TMTC1: variants seen among roughly 807,000 people sequenced by gnomAD.
TMTC1 encodes the protein protein O-mannosyl-transferase TMTC1.
TMTC1 carries 73 observed loss-of-function variants against 104.8 expected under a neutral mutation model. That is an observed-to-expected ratio of 0.70 (90% CI 0.58 to 0.85). TMTC1 has a LOEUF of 0.85. Ranked by LOEUF, TMTC1 falls within the 40% of genes least tolerant of loss-of-function variation. The pLI is 0.00. For missense variants in TMTC1, 1,035 were observed against 1,096.1 expected (o/e 0.94, Z 0.79); for synonymous variants, 434 against 428.7 (o/e 1.01, Z -0.15).
intron 7 of TMTC1, among the ~76,000 whole-genome samples, chr12:29,590,715 G>A (rs1946259156): frequency 6.6e-6 from 1 of 152,150 alleles, no homozygotes; most frequent in East Asian, 1.9e-4. Flanking sequence ...AACCCAAGAG[G>A]CAGAGGTTAC....
At chr12:29,565,865 A>C (rs1024563233) in intron 9 of TMTC1, among the ~76,000 whole-genome samples, 1 of 151,940 alleles carries the variant, frequency 6.6e-6, no homozygotes, top group Non-Finnish European at 1.5e-5. Flanking sequence ...AAACACAAAA[A>C]ACCACAGTAT....
rs115911637 is a variant in TMTC1 at position 29,691,640 on chromosome 12, T to C, written c.939-58304A>G. 2.0e-3 allele frequency among the ~76,000 whole-genome samples: 273 copies of C among 134,606 alleles called. 21 individuals carry two copies. The highest frequency in any genetic ancestry group is 7.4e-3 in the African/African-American group (262 of 35,644). 88.3% of individuals were successfully genotyped at this position (134,606 alleles called of 152,430 possible). A position where few individuals can be genotyped will look rare whatever the true frequency, so the allele number is the denominator to read the frequency against. ...ATTCTCAATCACTCAGATCTTAGAATAGATGGAGAAACTTCTCAGGATGTT... is the reference window on the plus strand; with the variant it reads ...ATTCTCAATCACTCAGATCTTAGAACAGATGGAGAAACTTCTCAGGATGTT... On this transcript the variant is annotated intron_variant, in intron 5 of 17. Coordinates refer to ENST00000539277, the MANE Select transcript of TMTC1 (RefSeq NM_001193451.2).
chr12:29,784,081 C>T (rs1382366347), upstream of TMTC1, among the ~76,000 whole-genome samples: 1 of 151,932 alleles, frequency 6.6e-6, no homozygotes, highest in Non-Finnish European at 1.5e-5. Context: ...CTGCCCCCGG[C>T]CCGCCTTGCT....
intron 5 of TMTC1, among the ~76,000 whole-genome samples, chr12:29,653,356 G>A (rs755260378): frequency 3.3e-5 from 5 of 151,954 alleles, no homozygotes; most frequent in Admixed American, 6.6e-5. Context: ...GAATTCCGGC[G>A]AATAATAAGA....
At chr12:29,706,728 G>A (rs938958033) in intron 5 of TMTC1, among the ~76,000 whole-genome samples, 1 of 152,112 alleles carries the variant, frequency 6.6e-6, no homozygotes, top group Non-Finnish European at 1.5e-5. Flanking sequence ...CAGCTTCCTG[G>A]AGTTTACTGT....
intron 7 of TMTC1, among the ~76,000 whole-genome samples, chr12:29,601,116 A>G (rs1017903676): frequency 6.6e-6 from 1 of 152,210 alleles, no homozygotes; most frequent in African/African-American, 2.4e-5. Flanking sequence ...TAGAGGAAAA[A>G]GGGCATTTTA....
chr12:29,760,606 C>A (rs1323920526), intron 2 of TMTC1, among the ~76,000 whole-genome samples: 1 of 152,210 alleles, frequency 6.6e-6, no homozygotes, highest in South Asian at 2.1e-4. Flanking sequence ...TGAGAAGGAA[C>A]CATCATAACC....
In TMTC1 at chr12:29,563,387, G is replaced by C. The variant is rs114214800; in HGVS notation, c.1533-6387C>G. Among the ~76,000 whole-genome samples, 1,223 of 152,280 alleles carry C rather than the reference G, an allele frequency of 8.0e-3. 22 individuals carry two copies. The highest frequency in any genetic ancestry group is 0.028 in the African/African-American group (1,161 of 41,554). ...CACTTCCTAGCATGAGTGCACTCTG[G>C]TTGATGGATTATCTCAGAGAAGAGA... On this transcript the variant is annotated intron_variant, in intron 9 of 17. Coordinates refer to ENST00000539277, the MANE Select transcript of TMTC1 (RefSeq NM_001193451.2).
intron 5 of TMTC1, among the ~76,000 whole-genome samples, chr12:29,670,934 C>CAAAAAAAAAAAAAAAAAAAAAAA (rs374719241): frequency 2.9e-5 from 2 of 68,468 alleles, no homozygotes; most frequent in African/African-American, 6.1e-5. Context: ...GACTCTGTCT[C>CAAAAAAAAAAAAAAAAAAAAAAA]AAAAAAAAAG....
intron 6 of TMTC1, among the ~76,000 whole-genome samples, chr12:29,610,285 C>G (rs1266593357): frequency 6.6e-6 from 1 of 152,166 alleles, no homozygotes; most frequent in Non-Finnish European, 1.5e-5. Context: ...CACAGTCTTT[C>G]CATCATGTTT....
At chr12:29,657,924 G>A (rs2136629873) in intron 5 of TMTC1, among the ~76,000 whole-genome samples, 1 of 152,090 alleles carries the variant, frequency 6.6e-6, no homozygotes, top group East Asian at 1.9e-4. Flanking sequence ...TGGCCAACAT[G>A]ACAAAAACCC....
intron 14 of TMTC1, 94 bp from the exon 15 acceptor site, chr12:29,516,580 C>A: frequency 7.3e-7 from 1 of 1,376,892 alleles, no homozygotes; most frequent in Non-Finnish European, 9.7e-7. Flanking sequence ...GCACTCCTGA[C>A]AAACATGCTC....
At chr12:29,557,631 G>T (rs1043881426) in intron 9 of TMTC1, among the ~76,000 whole-genome samples, 1 of 152,090 alleles carries the variant, frequency 6.6e-6, no homozygotes, top group African/African-American at 2.4e-5. Context: ...TATATTTTTA[G>T]GAGAGACTGG....
chr12:29,726,540 C>G (rs2136901643), intron 5 of TMTC1, among the ~76,000 whole-genome samples: 1 of 152,312 alleles, frequency 6.6e-6, no homozygotes, highest in Non-Finnish European at 1.5e-5. Context: ...AGCATATAAA[C>G]AGAGGTACAG....
intron 17 of TMTC1, among the ~76,000 whole-genome samples, chr12:29,509,220 G>C (rs995387857): frequency 1.3e-5 from 2 of 152,154 alleles, no homozygotes; most frequent in Non-Finnish European, 2.9e-5. Context: ...CTGAAAATCA[G>C]ACTTTGTGCT....
At chr12:29,779,245 T>G (rs578250768) in intron 1 of TMTC1, among the ~76,000 whole-genome samples, 1 of 152,362 alleles carries the variant, frequency 6.6e-6, no homozygotes, top group East Asian at 1.9e-4. Flanking sequence ...ATTCTGAATG[T>G]GATCTTAGCC....
At chr12:29,639,729 C>T (rs1364198291) in intron 5 of TMTC1, among the ~76,000 whole-genome samples, 1 of 152,172 alleles carries the variant, frequency 6.6e-6, no homozygotes, top group East Asian at 1.9e-4. Flanking sequence ...AGACAACTCA[C>T]ATATCCATCT....
chr12:29,758,398 T>A (rs553947066), intron 3 of TMTC1, among the ~76,000 whole-genome samples: 87 of 152,298 alleles, frequency 5.7e-4, no homozygotes, highest in African/African-American at 1.7e-3. Flanking sequence ...ACATTTTGGC[T>A]TAGAGCGAAG....
chr12:29,581,176 C>T (rs956447566), intron 8 of TMTC1, among the ~76,000 whole-genome samples: 21 of 152,214 alleles, frequency 1.4e-4, no homozygotes, highest in Non-Finnish European at 2.4e-4. Context: ...AACCACTAAC[C>T]TTAATGTGCC....
Sources: allele counts gnomAD v4.1 joint callset (sites outside exome capture counted in the v4.1 genomes callset), GRCh38; gene constraint gnomAD v4.1.1; transcripts MANE v1.5; gene names NCBI Gene and HGNC (gene_info 2026-07-23, HGNC 2026-07-21).